The following PLXNA4 variants were observed in gnomAD, a reference collection of about 807,000 sequenced individuals.
PLXNA4 encodes plexin-A4.
PLXNA4 carries 44 observed loss-of-function variants against 191.8 expected under a neutral mutation model. The observed-to-expected ratio is 0.23, with a 90% CI of 0.18 to 0.29. The LOEUF (loss-of-function observed/expected upper bound fraction) is 0.29. Among genes scored for constraint, PLXNA4 ranks in the 10% least tolerant of loss-of-function variants. The probability of loss-of-function intolerance (pLI) is 1.00; values close to 1 mark genes in which losing one functional copy is unlikely to be tolerated. For missense variants in PLXNA4, 1,800 were observed against 2,488.8 expected (o/e 0.72, Z 5.89); for synonymous variants, 1,082 against 1,009.5 (o/e 1.07, Z -1.36).
chr7:132,206,081 C>T (rs1797606016), intron 10 of PLXNA4, among the ~76,000 whole-genome samples: 1 of 152,140 alleles, frequency 6.6e-6, no homozygotes, highest in Admixed American at 6.5e-5. Flanking sequence ...CACAGTTCCA[C>T]AAAGTGGTTC....
At chr7:132,302,626 G>T (rs1387454340) in intron 3 of PLXNA4, among the ~76,000 whole-genome samples, 1 of 151,122 alleles carries the variant, frequency 6.6e-6, no homozygotes, top group Non-Finnish European at 1.5e-5. Flanking sequence ...CAGACAAGCA[G>T]AAGCCATCAT....
chr7:132,529,162 C>T (rs1799526099), intron 1 of PLXNA4, among the ~76,000 whole-genome samples: 1 of 152,224 alleles, frequency 6.6e-6, no homozygotes, highest in African/African-American at 2.4e-5. Context: ...AATAACCCCA[C>T]CCTGGAAGGC....
chr7:132,607,561 ACCTTAATGGGGCC>A (rs1802950069), intron 2 of PLXNA4, among the ~76,000 whole-genome samples: 1 of 152,188 alleles, frequency 6.6e-6, no homozygotes, highest in Non-Finnish European at 1.5e-5. Flanking sequence ...TGACAGAAGC[ACCTTAATGGGGCC>A]CCTTATGAGG....
chr7:132,633,801 G>A lies in PLXNA4; in HGVS notation c.-87+12127C>T, dbSNP rs147036204. Among the ~76,000 whole-genome samples, 546 of 152,106 alleles carry A rather than the reference G, an allele frequency of 3.6e-3. 3 individuals carry two copies. Among genetic ancestry groups the A allele is most frequent in the African/African-American group, 0.012 (514 of 41,492 alleles). ...TGCTCCATGTCCCCATAGCCTGTCC[G>A]TCTTTCTCCAGACTAAATTTTCAGA... On this transcript the variant is annotated intron_variant, in intron 2 of 4. Coordinates refer to the PLXNA4 transcript ENST00000378539.
intron 30 of PLXNA4, among the ~76,000 whole-genome samples, chr7:132,133,650 G>C (rs1361441048): frequency 6.6e-6 from 1 of 152,224 alleles, no homozygotes; most frequent in East Asian, 1.9e-4. Context: ...GGCTAAATGG[G>C]AGGAGGCAGG....
At chr7:132,540,298 C>T (rs1055718193) in intron 1 of PLXNA4, among the ~76,000 whole-genome samples, 1 of 152,172 alleles carries the variant, frequency 6.6e-6, no homozygotes, top group Non-Finnish European at 1.5e-5. Flanking sequence ...TGCTCAAGTC[C>T]TACTGTGGAT....
intron 3 of PLXNA4, among the ~76,000 whole-genome samples, chr7:132,461,727 C>A (rs1302556546): frequency 1.3e-5 from 2 of 152,236 alleles, no homozygotes; most frequent in Non-Finnish European, 2.9e-5. Context: ...TCAGGCTCCC[C>A]TCCTGTATTC....
chr7:132,551,876 G>A (rs544111689), intron 1 of PLXNA4, among the ~76,000 whole-genome samples: 18 of 152,158 alleles, frequency 1.2e-4, no homozygotes, highest in South Asian at 4.1e-4. Flanking sequence ...TTTAAAAAGC[G>A]GTGTCACTCT....
chr7:132,231,926 T>A (rs778596797), intron 5 of PLXNA4, among the ~76,000 whole-genome samples: 1 of 152,186 alleles, frequency 6.6e-6, no homozygotes, highest in African/African-American at 2.4e-5. Flanking sequence ...GCTATCTTAG[T>A]GGAAAGTCAA....
At chr7:132,255,246 C>T (rs1799394235) in intron 4 of PLXNA4, among the ~76,000 whole-genome samples, 1 of 152,178 alleles carries the variant, frequency 6.6e-6, no homozygotes, top group South Asian at 2.1e-4. Flanking sequence ...GGACCTGCTG[C>T]TGCTGGGACC....
At chr7:132,249,860 TGGCTGAGTTCAGG>T (rs1799184983) in intron 4 of PLXNA4, among the ~76,000 whole-genome samples, 2 of 152,186 alleles carry the variant, frequency 1.3e-5, no homozygotes, top group African/African-American at 4.8e-5. Context: ...CAGGAAGGTG[TGGCTGAGTTCAGG>T]GGCTGAGGAG....
intron 2 of PLXNA4, among the ~76,000 whole-genome samples, chr7:132,610,610 A>C (rs2116853190): frequency 1.3e-5 from 2 of 152,310 alleles, no homozygotes; most frequent in Middle Eastern, 6.8e-3. Flanking sequence ...CAGCCTCTAC[A>C]ATGTCTTCAA....
chr7:132,298,977 A>T (rs1801207731), intron 3 of PLXNA4, among the ~76,000 whole-genome samples: 1 of 152,232 alleles, frequency 6.6e-6, no homozygotes, highest in Non-Finnish European at 1.5e-5. Flanking sequence ...ACTTCTGCCC[A>T]CATGCCCCAT....
intron 4 of PLXNA4, among the ~76,000 whole-genome samples, chr7:132,279,061 T>A (rs1312998972): frequency 6.6e-6 from 1 of 152,164 alleles, no homozygotes; most frequent in Non-Finnish European, 1.5e-5. Context: ...ATAGAGCTTG[T>A]CTTGTGCTCT....
chr7:132,354,801 C>A (rs2116822863), intron 3 of PLXNA4, among the ~76,000 whole-genome samples: 1 of 152,288 alleles, frequency 6.6e-6, no homozygotes, highest in African/African-American at 2.4e-5. Context: ...TTCACAAGGG[C>A]CCTTTGGGAG....
intron 2 of PLXNA4, among the ~76,000 whole-genome samples, chr7:132,491,888 G>A (rs182192030): frequency 2.6e-4 from 40 of 152,304 alleles, no homozygotes; most frequent in African/African-American, 7.9e-4. Flanking sequence ...GTAGAAGAAA[G>A]GAAGGACAAA....
chr7:132,154,411 CTGT>C (rs1247066253), intron 25 of PLXNA4, among the ~76,000 whole-genome samples: 7 of 55,020 alleles, frequency 1.3e-4, no homozygotes, highest in Non-Finnish European at 3.6e-4. Flanking sequence ...TAAAAACGTT[CTGT>C]TTTTTTTTTT....
Position 132,621,235 on chromosome 7 carries a change from G to GT in PLXNA4, c.-87+24692_-87+24693insA, listed in dbSNP as rs1291927451. On this transcript the variant is annotated intron_variant, in intron 2 of 4. Transcript: ENST00000378539. ...TCATTTAGGTGATTTTTAATCTCTTGGTTTTTTTTTGTTTTTTTTTTTTGG... is the reference window on the plus strand; with the variant it reads ...TCATTTAGGTGATTTTTAATCTCTTGTGTTTTTTTTTGTTTTTTTTTTTTGG... 7.5e-3 allele frequency among the ~76,000 whole-genome samples: 1,027 copies of GT among 137,404 alleles called. 10 individuals carry two copies. Among genetic ancestry groups the GT allele is most frequent in the Middle Eastern group, 0.031 (8 of 258 alleles). 90.1% of individuals were successfully genotyped at this position (137,404 alleles called of 152,430 possible). A position where few individuals can be genotyped will look rare whatever the true frequency, so the allele number is the denominator to read the frequency against.
upstream of PLXNA4, among the ~76,000 whole-genome samples, chr7:132,579,879 A>AT (rs112989830): frequency 2.7e-3 from 402 of 148,250 alleles, 3 homozygotes; most frequent in African/African-American, 8.8e-3. Context: ...GCAGTAGAGG[A>AT]TTTTTTTTTT....
Sources: allele counts gnomAD v4.1 joint callset (sites outside exome capture counted in the v4.1 genomes callset), GRCh38; gene constraint gnomAD v4.1.1; transcripts MANE v1.5; gene names NCBI Gene and HGNC (gene_info 2026-07-23, HGNC 2026-07-21).